CHKA: variants seen among roughly 807,000 people sequenced by gnomAD.
CHKA encodes the protein choline kinase alpha.
In CHKA, 34 loss-of-function variants were observed where a neutral mutation model predicts 60.1. The ratio of observed to expected loss-of-function variants is 0.57; its 90% CI spans 0.43 to 0.75. CHKA has a LOEUF of 0.75. CHKA is among the 30% of genes least tolerant of loss of function. The pLI, the probability that CHKA is intolerant of heterozygous loss-of-function variation, is 0.00. For synonymous variants in CHKA, 217 were observed against 223.1 expected (o/e 0.97, Z 0.24); for missense variants, 563 against 561.3 (o/e 1.00, Z -0.03).
At chr11:68,073,088 T>C (rs1856675445) in intron 4 of CHKA, among the ~76,000 whole-genome samples, 1 of 152,216 alleles carries the variant, frequency 6.6e-6, no homozygotes, top group Non-Finnish European at 1.5e-5. Context: ...CTATAATCTA[T>C]GTGTCCTGAT....
intron 3 of CHKA, among the ~76,000 whole-genome samples, chr11:68,080,323 G>A (rs764467821): frequency 4.6e-5 from 7 of 151,960 alleles, no homozygotes; most frequent in African/African-American, 9.7e-5. Flanking sequence ...TATCTCAACC[G>A]TTTTAATGTC....
chr11:68,091,156 C>T (rs1274681991), intron 2 of CHKA, among the ~76,000 whole-genome samples: 2 of 152,208 alleles, frequency 1.3e-5, no homozygotes, highest in Non-Finnish European at 2.9e-5. Flanking sequence ...TTTACGCTCT[C>T]TTCTAGCAAT....
chr11:68,112,275 G>A (rs941728891), intron 1 of CHKA, among the ~76,000 whole-genome samples: 9 of 93,738 alleles, frequency 9.6e-5, no homozygotes, highest in African/African-American at 2.6e-4. Flanking sequence ...CTTTTTTTGA[G>A]ACGGAGTCTC....
chr11:68,070,675 G>A (rs941987856), intron 5 of CHKA, 49 bp downstream of exon 5: 2 of 1,584,172 alleles, frequency 1.3e-6, no homozygotes, highest in South Asian at 1.1e-5. Context: ...GTACTTCTGG[G>A]AGCCACCACT....
chr11:68,109,464 T>C (rs1858052551), intron 1 of CHKA, among the ~76,000 whole-genome samples: 2 of 152,086 alleles, frequency 1.3e-5, no homozygotes, highest in Admixed American at 1.3e-4. Flanking sequence ...TTTGCCAGTG[T>C]CTAACCTGTT....
intron 2 of CHKA, among the ~76,000 whole-genome samples, chr11:68,089,577 T>C (rs1400915089): frequency 6.6e-6 from 1 of 152,232 alleles, no homozygotes; most frequent in Non-Finnish European, 1.5e-5. Flanking sequence ...TGTCATTTTC[T>C]ACTGAGGAAA....
At position 68,100,591 on chromosome 11, in the gene CHKA, C is replaced by CAATA. The variant is rs751647246; in HGVS notation, c.351-3465_351-3462dup. ...GGGGACAAGAACGAAACATCATCTC[C>CAATA]AATAAATAAATACATAAATAAATAA... On this transcript the variant is annotated intron_variant, in intron 1 of 11. Coordinates refer to ENST00000265689, the MANE Select transcript of CHKA (RefSeq NM_001277.3). Among the ~76,000 whole-genome samples, 337 of 100,736 alleles carry CAATA rather than the reference C, an allele frequency of 3.3e-3. 4 individuals carry two copies. The highest frequency in any genetic ancestry group is 0.016 in the East Asian group (65 of 3,984). 66.1% of individuals were successfully genotyped at this position (100,736 alleles called of 152,430 possible). A position where few individuals can be genotyped will look rare whatever the true frequency, so the allele number is the denominator to read the frequency against.
intron 1 of CHKA, among the ~76,000 whole-genome samples, chr11:68,111,385 C>G (rs1858132839): frequency 6.6e-6 from 1 of 151,480 alleles, no homozygotes; most frequent in Admixed American, 6.6e-5. Flanking sequence ...GCACTCCAGC[C>G]TGGGCAACAA....
chr11:68,096,873 C>T, intron 2 of CHKA, 146 bp downstream of exon 2: 2 of 525,462 alleles, frequency 3.8e-6, no homozygotes, highest in East Asian at 6.4e-5. Context: ...CTGTGCAGCC[C>T]AATTAAAGTA....
At position 68,070,787 on chromosome 11, in the gene CHKA, G is replaced by A. The variant is rs753948663; in HGVS notation, c.701C>T (p.Thr234Ile). The stretch of plus-strand genomic sequence containing the variant: ...GAATGGCATTTTCATACCATGAAAT[G>A]TAGCCATTTTCTCGGCGATTTCTGC... ...ISAEIAEKMA[T>I]FHGMKMPFNK... Residue 234 changes from threonine to isoleucine, a missense_variant, in exon 5 of 12, where the codon ACA becomes ATA. By Grantham distance (89) the Thr-to-Ile change is moderately conservative. Coordinates refer to ENST00000265689, the MANE Select transcript of CHKA (RefSeq NM_001277.3). 2.0e-5 allele frequency: 32 copies of A among 1,612,990 alleles called. No homozygotes were observed. The highest frequency in any genetic ancestry group is 2.6e-5 in the Non-Finnish European group (31 of 1,179,134).
chr11:68,101,086 T>A (rs1051238639), intron 1 of CHKA, among the ~76,000 whole-genome samples: 13 of 151,642 alleles, frequency 8.6e-5, no homozygotes, highest in African/African-American at 3.2e-4. Flanking sequence ...TAGCTGGGAC[T>A]ACAGGCGCCC....
At chr11:68,074,129 G>A (rs1246336575) in intron 4 of CHKA, among the ~76,000 whole-genome samples, 1 of 152,158 alleles carries the variant, frequency 6.6e-6, no homozygotes, top group Middle Eastern at 3.2e-3. Flanking sequence ...ATGGTATACT[G>A]GTAAATGTTA....
chr11:68,113,319 A>T (rs1332995890), intron 1 of CHKA, among the ~76,000 whole-genome samples: 1 of 152,130 alleles, frequency 6.6e-6, no homozygotes, highest in Non-Finnish European at 1.5e-5. Context: ...ACACAAACTG[A>T]CATCTCATCA....
intron 1 of CHKA, among the ~76,000 whole-genome samples, chr11:68,119,764 G>A (rs1469548423): frequency 1.3e-5 from 2 of 151,084 alleles, no homozygotes; most frequent in Non-Finnish European, 2.9e-5. Context: ...CACTGCGCCC[G>A]GCCCGGGAAC....
At chr11:68,078,957 T>A (rs1384423352) in intron 3 of CHKA, among the ~76,000 whole-genome samples, 1 of 152,042 alleles carries the variant, frequency 6.6e-6, no homozygotes, top group African/African-American at 2.4e-5. Context: ...TATTATTTTT[T>A]TTTTGGAGAT....
At chr11:68,084,509 T>A (rs1002608788) in intron 2 of CHKA, among the ~76,000 whole-genome samples, 1 of 149,922 alleles carries the variant, frequency 6.7e-6, no homozygotes, top group Non-Finnish European at 1.5e-5. Flanking sequence ...TCATTTGAAG[T>A]AGATATTAAA....
intron 2 of CHKA, 122 bp from the exon 3 acceptor site, chr11:68,081,579 C>T: frequency 1.4e-6 from 1 of 735,382 alleles, no homozygotes; most frequent in Non-Finnish European, 2.3e-6. Flanking sequence ...GAAGGTTTCT[C>T]AGCCCACCGA....
chr11:68,096,315 C>T (rs915394553), intron 2 of CHKA, among the ~76,000 whole-genome samples: 1 of 152,046 alleles, frequency 6.6e-6, no homozygotes, highest in African/African-American at 2.4e-5. Flanking sequence ...GAGCTGAGAT[C>T]ACGCCATTGC....
At chr11:68,109,067 C>A (rs931242855) in intron 1 of CHKA, among the ~76,000 whole-genome samples, 1 of 150,804 alleles carries the variant, frequency 6.6e-6, no homozygotes, top group Non-Finnish European at 1.5e-5. Context: ...GGCAAAGAAA[C>A]CTTTCCTTTT....
Sources: gnomAD v4.1 joint callset for allele counts (sites outside exome capture counted in the v4.1 genomes callset) on GRCh38, gnomAD v4.1.1 for gene constraint, MANE v1.5 for transcripts, NCBI Gene and HGNC (gene_info 2026-07-23, HGNC 2026-07-21) for gene names.